The following OSBPL8 variants were observed in gnomAD, a reference collection of about 807,000 sequenced individuals.
OSBPL8 encodes the protein oxysterol binding protein like 8.
OSBPL8 carries 59 observed loss-of-function variants against 125.5 expected under a neutral mutation model. That is an observed-to-expected ratio of 0.47 (90% CI 0.38 to 0.58). The LOEUF is 0.58. Ranked by LOEUF, OSBPL8 falls within the 20% of genes least tolerant of loss-of-function variation. The probability of loss-of-function intolerance (pLI) is 0.00; values close to 1 mark genes in which losing one functional copy is unlikely to be tolerated. For synonymous variants in OSBPL8, 330 were observed against 338.9 expected, an observed-to-expected ratio of 0.97 and a Z score of 0.29; for missense variants, 758 against 1,047.8, an observed-to-expected ratio of 0.72 and a Z score of 3.82.
rs551775554 is a variant in OSBPL8, at chr12:76,354,842, T to C, written c.*1047A>G. The stretch of plus-strand genomic sequence containing the variant: ...TAGATACTCAACTTATTACACGTTT[T>C]ACAGAAACCAATTTTAATGCACACA... On this transcript the variant is annotated 3_prime_UTR_variant, in exon 24 of 24. Coordinates refer to ENST00000261183, the MANE Select transcript of OSBPL8 (RefSeq NM_020841.5). The C allele has an allele frequency of 6.6e-6, 1 of 152,162 alleles. No individual in the cohort carries two copies. Among genetic ancestry groups the C allele is most frequent in the East Asian group, 1.9e-4 (1 of 5,192 alleles). 9.4% of individuals were successfully genotyped at this position (152,162 alleles called of 1,614,324 possible). A position where few individuals can be genotyped will look rare whatever the true frequency, so the allele number is the denominator to read the frequency against.
At chr12:76,408,988 GA>G (rs1455008518) in intron 5 of OSBPL8, among the ~76,000 whole-genome samples, 2 of 150,206 alleles carry the variant, frequency 1.3e-5, no homozygotes, top group Non-Finnish European at 2.9e-5. Context: ...CTTGAAAATA[GA>G]TCTTTTTTTT....
intron 2 of OSBPL8, among the ~76,000 whole-genome samples, chr12:76,478,918 T>C (rs1172949555): frequency 1.3e-5 from 2 of 152,064 alleles, no homozygotes. Flanking sequence ...ACTCCGTCTC[T>C]ACTAAAAATA....
chr12:76,521,931 GTTAAGATGAT>G (rs989567651), intron 1 of OSBPL8, among the ~76,000 whole-genome samples: 2 of 152,116 alleles, frequency 1.3e-5, no homozygotes, highest in Non-Finnish European at 2.9e-5. Flanking sequence ...CTAAAGAAGG[GTTAAGATGAT>G]TTAAGATGAT....
At chr12:76,499,763 A>G (rs1357276485) in intron 1 of OSBPL8, among the ~76,000 whole-genome samples, 1 of 152,062 alleles carries the variant, frequency 6.6e-6, no homozygotes, top group Non-Finnish European at 1.5e-5. Context: ...CTGAAGTAGG[A>G]GAATCACTTG....
chr12:76,469,145 T>A (rs1342584974), intron 2 of OSBPL8, among the ~76,000 whole-genome samples: 1 of 152,146 alleles, frequency 6.6e-6, no homozygotes, highest in African/African-American at 2.4e-5. Flanking sequence ...TCCTAGAATC[T>A]CTTATTTCCA....
chr12:76,430,383 A>G (rs1261477493), intron 4 of OSBPL8, among the ~76,000 whole-genome samples: 1 of 152,202 alleles, frequency 6.6e-6, no homozygotes, highest in African/African-American at 2.4e-5. Flanking sequence ...CCATGGGTCC[A>G]GAAAAATGGC....
At chr12:76,412,710 C>CA (rs1868280125) in intron 4 of OSBPL8, among the ~76,000 whole-genome samples, 1 of 152,182 alleles carries the variant, frequency 6.6e-6, no homozygotes, top group Admixed American at 6.5e-5. Flanking sequence ...ATGCCACACA[C>CA]ACAAAAAAAT....
chr12:76,433,611 T>C (rs1341109065), intron 4 of OSBPL8, among the ~76,000 whole-genome samples: 1 of 152,100 alleles, frequency 6.6e-6, no homozygotes, highest in Non-Finnish European at 1.5e-5. Flanking sequence ...TGTTAAAATG[T>C]CCATCCTATC....
At chr12:76,524,272 T>C (rs1214847712) in intron 1 of OSBPL8, among the ~76,000 whole-genome samples, 1 of 152,172 alleles carries the variant, frequency 6.6e-6, no homozygotes, top group Non-Finnish European at 1.5e-5. Context: ...GGCACAAAAA[T>C]TTCATAGAAA....
At chr12:76,392,011 C>T (rs1010980017) in intron 10 of OSBPL8, among the ~76,000 whole-genome samples, 3 of 152,172 alleles carry the variant, frequency 2.0e-5, no homozygotes, top group Non-Finnish European at 4.4e-5. Context: ...AAAGTCTTTG[C>T]ACTACTGCCC....
At position 76,390,420 on chromosome 12, in the gene OSBPL8, C is replaced by T; in HGVS notation, c.1167G>A (p.Glu389=). The T allele has an allele frequency of 6.3e-7, 1 of 1,591,086 alleles. No homozygotes were observed. The highest frequency in any genetic ancestry group is 8.6e-7 in the Non-Finnish European group (1 of 1,165,378). ...ACCTCTAAAAATAGCAGACTTTTAC[C>T]TCTCCAAGTTCTTCATGGCTCTGTT... ...YTEQSHEELG[E]AGEASQTETV... is the part of the protein sequence containing the mutation. The change falls in exon 11 of 24, where the codon GAG becomes GAA. Residue 389 remains glutamate (E), a splice_region_variant and synonymous_variant. Transcript: ENST00000261183.
chr12:76,401,566 T>C (rs2136353694), intron 6 of OSBPL8, among the ~76,000 whole-genome samples: 1 of 152,268 alleles, frequency 6.6e-6, no homozygotes, highest in East Asian at 1.9e-4. Flanking sequence ...GAATCACACA[T>C]TTAGTAAATT....
At chr12:76,492,841 C>T (rs1257818843) in intron 1 of OSBPL8, among the ~76,000 whole-genome samples, 1 of 152,050 alleles carries the variant, frequency 6.6e-6, no homozygotes, top group Non-Finnish European at 1.5e-5. Flanking sequence ...CATCCTGAAA[C>T]CATCACCGCC....
chr12:76,367,179 A>G (rs987595749), intron 21 of OSBPL8, among the ~76,000 whole-genome samples: 7 of 151,718 alleles, frequency 4.6e-5, no homozygotes, highest in African/African-American at 1.7e-4. Context: ...AGCTGTTTCT[A>G]TCTTCCAATT....
chr12:76,523,531 G>A lies in OSBPL8; in HGVS notation c.-68+35866C>T, dbSNP rs117862571. Among the ~76,000 whole-genome samples the A allele has an allele frequency of 7.0e-3, 1,066 of 152,316 alleles. 9 individuals carry two copies. Among genetic ancestry groups the A allele is most frequent in the Non-Finnish European group, 0.012 (812 of 68,032 alleles). On this transcript the variant is annotated intron_variant, in intron 1 of 23. Coordinates refer to ENST00000261183, the MANE Select transcript of OSBPL8 (RefSeq NM_020841.5). ...ATGCTGAAATCCTAATCCCCAATGT[G>A]ATGACATGTGGAGATAGGGCCTTGG...
chr12:76,545,286 A>C (rs1245308513), intron 1 of OSBPL8, among the ~76,000 whole-genome samples: 2 of 152,184 alleles, frequency 1.3e-5, no homozygotes, highest in Non-Finnish European at 2.9e-5. Flanking sequence ...AACTACCCTG[A>C]TTCTATGTAA....
intron 8 of OSBPL8, among the ~76,000 whole-genome samples, chr12:76,395,705 CTG>C (rs1953763515): frequency 6.6e-6 from 1 of 152,048 alleles, no homozygotes; most frequent in African/African-American, 2.4e-5. Context: ...TGGGAAGAAA[CTG>C]TATCCTCCTT....
At chr12:76,499,521 C>T (rs972318441) in intron 1 of OSBPL8, among the ~76,000 whole-genome samples, 1 of 152,144 alleles carries the variant, frequency 6.6e-6, no homozygotes, top group South Asian at 2.1e-4. Context: ...CAGGCATGAA[C>T]CAAAGTGCCC....
chr12:76,481,302 T>C (rs925866496), intron 2 of OSBPL8, among the ~76,000 whole-genome samples: 7 of 152,336 alleles, frequency 4.6e-5, no homozygotes, highest in African/African-American at 1.7e-4. Flanking sequence ...AAAGAAGTGC[T>C]ATTGTACAAC....
Sources: allele counts gnomAD v4.1 joint callset (sites outside exome capture counted in the v4.1 genomes callset), GRCh38; gene constraint gnomAD v4.1.1; transcripts MANE v1.5; gene names NCBI Gene and HGNC (gene_info 2026-07-23, HGNC 2026-07-21).